Variants in MACF1 observed in about 807,000 individuals in gnomAD.
MACF1 encodes the protein microtubule actin crosslinking factor 1.
MACF1 carries 193 observed loss-of-function variants against 854.8 expected under a neutral mutation model. The ratio of observed to expected loss-of-function variants is 0.23; its 90% CI spans 0.20 to 0.25. The LOEUF (loss-of-function observed/expected upper bound fraction) is 0.25. Among genes scored for constraint, MACF1 ranks in the 10% least tolerant of loss-of-function variants. The probability of loss-of-function intolerance (pLI) is 1.00; values close to 1 mark genes in which losing one functional copy is unlikely to be tolerated. For synonymous variants in MACF1, 3,185 were observed against 3,226.7 expected (o/e 0.99, Z 0.44); for missense variants, 7,722 against 8,929.1 (o/e 0.86, Z 5.45).
At position 39,186,202 on chromosome 1, in the gene MACF1, CTCTCTCTCTCTCTGTGTGTGTGTGTG is replaced by C. The variant is rs1410497814; in HGVS notation, c.221-44978_221-44953del. 6.7e-3 allele frequency among the ~76,000 whole-genome samples: 832 copies of C among 124,404 alleles called. 8 individuals carry two copies. The highest frequency in any genetic ancestry group is 0.026 in the African/African-American group (769 of 29,880). The allele number at this position is 124,404 out of a possible 152,430, so 81.6% of individuals were successfully genotyped here. On this transcript the variant is annotated intron_variant, in intron 2 of 93. Coordinates refer to the MACF1 transcript ENST00000361689. ...TCTCTCTCTCTCTCTCTCTCTCTCT[CTCTCTCTCTCTCTGTGTGTGTGTGTG>C]TGTGTGTGTGTGTGTGTGTTTTGGT...
intron 6 of MACF1, among the ~76,000 whole-genome samples, chr1:39,265,721 A>C (rs77964058): frequency 0.016 from 2,489 of 152,302 alleles, 74 homozygotes; most frequent in African/African-American, 0.057. Flanking sequence ...ATTTCTCACC[A>C]CTGGAAAGTC....
intron 6 of MACF1, among the ~76,000 whole-genome samples, chr1:39,274,981 ATAAGCAATT>A (rs1557557711): frequency 6.6e-6 from 1 of 152,220 alleles, no homozygotes; most frequent in Non-Finnish European, 1.5e-5. Flanking sequence ...AAGCCCAGGA[ATAAGCAATT>A]CACAAAAAAA....
rs1317294862 is a variant in MACF1 at position 39,368,205 on chromosome 1, G to A, written c.12829G>A (p.Val4277Ile). The change falls in exon 50 of 101, where the codon GTC becomes ATC. Residue 4277 changes from valine to isoleucine, a missense_variant. Around this residue, in one of 15 missense-constraint regions of MACF1, gnomAD observed 2,807 missense variants for 3,235.8 expected, o/e 0.87. Coordinates refer to ENST00000564288, the MANE Select transcript of MACF1 (RefSeq NM_001394062.1). ...QENLDTLEHL[V>I]TELSSCGFAL... ...GAACCTAGATACTCTTGAGCACCTGGTCACTGAACTGAGCTCTTGTGGCTT... is the reference window on the plus strand; with the variant it reads ...GAACCTAGATACTCTTGAGCACCTGATCACTGAACTGAGCTCTTGTGGCTT... 6.2e-7 allele frequency: 1 copy of A among 1,614,122 alleles called. No individual in the cohort carries two copies. Among genetic ancestry groups the A allele is most frequent in the African/African-American group, 1.3e-5 (1 of 75,034 alleles).
chr1:39,464,967 GT>G, intron 94 of MACF1, 127 bp from the exon 95 acceptor site: 1 of 841,928 alleles, frequency 1.2e-6, no homozygotes, highest in Non-Finnish European at 2.0e-6. Flanking sequence ...GTAAGAATAT[GT>G]TCAGTGTGTG....
At position 39,437,982 on chromosome 1, in the gene MACF1, G is replaced by A; in HGVS notation, c.18194G>A (p.Gly6065Glu). Residue 6065 changes from glycine to glutamate, a missense_variant, in exon 71 of 101, where the codon GGA becomes GAA. Gly to Glu is a moderately conservative substitution (Grantham distance 98, BLOSUM62 -2). This residue lies in a region of MACF1 where 2,807 missense variants were observed against 3,235.8 expected (regional missense o/e 0.87). Coordinates refer to ENST00000564288, the MANE Select transcript of MACF1 (RefSeq NM_001394062.1). ...RGEELIGRSQGADKDLAAKEI... is the reference protein window; with the variant it reads ...RGEELIGRSQEADKDLAAKEI... ...GAGGAGCTTATTGGACGATCTCAGG[G>A]AGCAGACAAGGATCTGGCTGCAAAA... The A allele has an allele frequency of 1.2e-6, 2 of 1,614,062 alleles. No homozygotes were observed. The highest frequency in any genetic ancestry group is 1.7e-6 in the Non-Finnish European group (2 of 1,180,008).
At chr1:39,233,045 G>C (rs1466410539) in intron 2 of MACF1, among the ~76,000 whole-genome samples, 3 of 151,004 alleles carry the variant, frequency 2.0e-5, no homozygotes. Context: ...TTTGTTTTTT[G>C]TTTTTTGAGA....
At chr1:39,136,423 G>GT (rs1309575784) in intron 2 of MACF1, among the ~76,000 whole-genome samples, 1 of 152,202 alleles carries the variant, frequency 6.6e-6, no homozygotes, top group East Asian at 1.9e-4. Context: ...CCAAACCCTT[G>GT]TATCTCCAAC....
chr1:39,110,230 CTTTT>C (rs5773651), intron 2 of MACF1, among the ~76,000 whole-genome samples: 2 of 84,566 alleles, frequency 2.4e-5, no homozygotes, highest in African/African-American at 4.9e-5. Flanking sequence ...GGATGTTGTT[CTTTT>C]TTTTTTTTTT....
Position 39,370,042 on chromosome 1 carries a change from A to G in MACF1, c.12951A>G (p.Ala4317=), listed in dbSNP as rs1557614380. 4 of 1,610,656 alleles carry G rather than the reference A, an allele frequency of 2.5e-6. No homozygotes were observed. Among genetic ancestry groups the G allele is most frequent in the Non-Finnish European group, 3.4e-6 (4 of 1,178,978 alleles). Residue 4317 remains alanine (A), a synonymous_variant, in exon 51 of 101, where the codon GCA becomes GCG. Transcript: ENST00000564288. ...QKTVKEREKD[A]SSCQEQLDEF... is the part of the protein sequence containing the mutation. ...GCTTCATTGACAGAGAGAAAGATGC[A>G]TCATCTTGCCAGGAACAGTTGGATG...
chr1:39,381,886 AT>A (rs1402389385), intron 55 of MACF1, 66 bp from the exon 56 acceptor site: 11 of 1,119,234 alleles, frequency 9.8e-6, no homozygotes, highest in Admixed American at 3.4e-5. Context: ...TATTAGGAAC[AT>A]AACTTAGGTA....
At chr1:39,270,242 A>G (rs907052890) in intron 6 of MACF1, among the ~76,000 whole-genome samples, 1 of 152,184 alleles carries the variant, frequency 6.6e-6, no homozygotes, top group African/African-American at 2.4e-5. Context: ...GGCAGCACTC[A>G]TTCAGTATTT....
At chr1:39,292,676 CT>C in intron 16 of MACF1, 89 bp from the exon 17 acceptor site, 1 of 889,704 alleles carries the variant, frequency 1.1e-6, no homozygotes, top group Non-Finnish European at 1.7e-6. Context: ...ATATCTCTAT[CT>C]AGACATAATA....
intron 2 of MACF1, among the ~76,000 whole-genome samples, chr1:39,245,156 G>A (rs921968879): frequency 2.0e-5 from 3 of 152,232 alleles, no homozygotes; most frequent in African/African-American, 7.2e-5. Flanking sequence ...TTTTGAGAAA[G>A]AAACATTAGG....
rs771107459 is a variant in MACF1, at chr1:39,302,994, G to T, written c.2705G>T (p.Ser902Ile). The T allele has an allele frequency of 1.2e-6, 2 of 1,614,180 alleles. No individual in the cohort carries two copies. ...NSQRTKWKVI[S>I]PTGNEAMVPS... ...CAGCGGACCAAATGGAAAGTGATCA[G>T]CCCCACAGGGAACGAGGCAATGGTG... Residue 902 changes from serine to isoleucine, a missense_variant, in exon 23 of 101, where the codon AGC (serine) becomes ATC (isoleucine). Around this residue, in one of 15 missense-constraint regions of MACF1, gnomAD observed 1,137 missense variants for 1,263.0 expected, o/e 0.90. Coordinates refer to ENST00000564288, the MANE Select transcript of MACF1 (RefSeq NM_001394062.1).
At position 39,417,712 on chromosome 1, in the gene MACF1, A is replaced by ATT. The variant is rs1643370130; in HGVS notation, c.15817-4662_15817-4661insTT. 6.9e-4 allele frequency among the ~76,000 whole-genome samples: 47 copies of ATT among 68,514 alleles called. 4 individuals carry two copies. The East Asian group carries it at 0.015, about 22-fold the overall frequency. 44.9% of individuals were successfully genotyped at this position (68,514 alleles called of 152,430 possible). A position where few individuals can be genotyped will look rare whatever the true frequency, so the allele number is the denominator to read the frequency against. ...CAGGAATGTGCCACCACACCCAGTT[A>ATT]ATTTTTTTTTTTTTTTTTTTTTTTT... is the stretch of plus-strand genomic sequence containing the variant. On this transcript the variant is annotated intron_variant, in intron 58 of 100. Coordinates refer to ENST00000564288, the MANE Select transcript of MACF1 (RefSeq NM_001394062.1).
chr1:39,322,339 T>C (rs534451748), intron 31 of MACF1, among the ~76,000 whole-genome samples: 2 of 152,326 alleles, frequency 1.3e-5, no homozygotes, highest in South Asian at 2.1e-4. Context: ...GAAAATAATA[T>C]GAACTTCAGT....
chr1:39,378,587 T>A, intron 53 of MACF1, 64 bp downstream of exon 53: 2 of 1,449,430 alleles, frequency 1.4e-6, no homozygotes, highest in Non-Finnish European at 1.9e-6. Context: ...TATGTTTGCA[T>A]CTGTGTATGT....
intron 72 of MACF1, among the ~76,000 whole-genome samples, chr1:39,440,637 T>TA (rs1336895175): frequency 6.6e-6 from 1 of 152,310 alleles, no homozygotes; most frequent in East Asian, 1.9e-4. Flanking sequence ...TGTTATACTC[T>TA]ATTGTCAGCA....
chr1:39,295,836 G>C lies in MACF1; in HGVS notation c.2309G>C (p.Cys770Ser). The change falls in exon 20 of 101, where the codon TGC becomes TCC. Residue 770 changes from cysteine (C) to serine (S), a missense_variant. Physicochemically the swap from Cys to Ser is moderately radical, Grantham distance 112. This residue lies in a region of MACF1 where 1,137 missense variants were observed against 1,263.0 expected (regional missense o/e 0.90). Transcript: ENST00000564288. ...CAGTTGCAGTGGATGAAGCAGCTGTGCCTGTGTGTTGAGCAGCATGTGAAA... is the reference window on the plus strand; with the variant it reads ...CAGTTGCAGTGGATGAAGCAGCTGTCCCTGTGTGTTGAGCAGCATGTGAAA... Reference protein sequence around the residue: ...QSQLQWMKQLCLCVEQHVKEN... With the variant: ...QSQLQWMKQLSLCVEQHVKEN... 2 of 1,614,174 alleles carry C rather than the reference G, an allele frequency of 1.2e-6. No homozygotes were observed. Among genetic ancestry groups the C allele is most frequent in the Non-Finnish European group, 1.7e-6 (2 of 1,180,014 alleles).
Sources: allele counts gnomAD v4.1 joint callset (sites outside exome capture counted in the v4.1 genomes callset), GRCh38; gene constraint gnomAD v4.1.1; regional missense constraint gnomAD v4.1.1; transcripts MANE v1.5; gene names NCBI Gene and HGNC (gene_info 2026-07-23, HGNC 2026-07-21).